The following ADAMTSL1 variants were observed in gnomAD, a reference collection of about 807,000 sequenced individuals.
ADAMTSL1 encodes ADAMTS like 1, also known as ADAMTS-like protein 1.
A neutral mutation model predicts 201.8 loss-of-function variants in ADAMTSL1; 126 were observed. The ratio of observed to expected loss-of-function variants is 0.62; its 90% CI spans 0.54 to 0.72. ADAMTSL1 has a LOEUF of 0.72. Ranked by LOEUF, ADAMTSL1 falls within the 30% of genes least tolerant of loss-of-function variation. The pLI is 0.00. For missense variants in ADAMTSL1, 2,679 were observed against 2,277.8 expected (o/e 1.18, Z -3.59); for synonymous variants, 1,121 against 903.4 (o/e 1.24, Z -4.32).
At chr9:18,905,635 A>G in intron 26 of ADAMTSL1, 147 bp from the exon 27 acceptor site, 1 of 622,658 alleles carries the variant, frequency 1.6e-6, no homozygotes, top group African/African-American at 1.8e-5. Context: ...AGTGTCTTTT[A>G]GTTAGCCCAA....
chr9:18,630,504 C>A (rs1002968112), intron 5 of ADAMTSL1, among the ~76,000 whole-genome samples: 1 of 152,118 alleles, frequency 6.6e-6, no homozygotes, highest in South Asian at 2.1e-4. Context: ...GTTTTTGTCT[C>A]CTTGGACTCT....
At chr9:18,741,042 G>A (rs541455907) in intron 15 of ADAMTSL1, among the ~76,000 whole-genome samples, 2 of 152,084 alleles carry the variant, frequency 1.3e-5, no homozygotes, top group East Asian at 3.9e-4. Flanking sequence ...ACTAGACTCT[G>A]TGCCCCAAGG....
chr9:18,061,392 C>T (rs1171003785), intron 1 of ADAMTSL1, among the ~76,000 whole-genome samples: 2 of 152,128 alleles, frequency 1.3e-5, no homozygotes, highest in Admixed American at 6.5e-5. Context: ...TACCACAAAC[C>T]ATAGTAGCCT....
chr9:18,186,088 T>C (rs1298167407), intron 2 of ADAMTSL1, among the ~76,000 whole-genome samples: 1 of 152,188 alleles, frequency 6.6e-6, no homozygotes, highest in Non-Finnish European at 1.5e-5. Context: ...AGAATTCAAG[T>C]ACCACGTATT....
chr9:18,695,584 G>C (rs1212026239), intron 13 of ADAMTSL1, among the ~76,000 whole-genome samples: 1 of 152,126 alleles, frequency 6.6e-6, no homozygotes, highest in Non-Finnish European at 1.5e-5. Flanking sequence ...TCAAGTTCAA[G>C]GTTCAAGGTT....
At position 18,160,932 on chromosome 9, in the gene ADAMTSL1, C is replaced by T. The variant is rs143379776; in HGVS notation, c.88-2930C>T. Among the ~76,000 whole-genome samples, 133 of 149,948 alleles carry T rather than the reference C, an allele frequency of 8.9e-4. 3 individuals are homozygous for T. The East Asian group carries it at 0.018, about 20-fold the overall frequency. On this transcript the variant is annotated intron_variant, in intron 1 of 29. Transcript: ENST00000680146. ...GGAATTCCTAAGCTCAAGCATTCCT[C>T]GTGCCTCAGCCTCTCAAAGTGCTGG...
At chr9:18,544,514 GT>G (rs895358889) in intron 3 of ADAMTSL1, among the ~76,000 whole-genome samples, 120 of 149,802 alleles carry the variant, frequency 8.0e-4, no homozygotes, top group African/African-American at 2.8e-3. Context: ...ATTGATCACA[GT>G]TTTTTTTTTC....
At chr9:18,590,496 T>A (rs899631087) in intron 4 of ADAMTSL1, among the ~76,000 whole-genome samples, 5 of 152,094 alleles carry the variant, frequency 3.3e-5, no homozygotes. Context: ...TTGTATTAGT[T>A]TTTAGTCTCA....
chr9:18,710,690 T>TTTTC (rs58475847), intron 14 of ADAMTSL1, among the ~76,000 whole-genome samples: 4 of 144,138 alleles, frequency 2.8e-5, no homozygotes, highest in Admixed American at 7.0e-5. Context: ...TTTTTTTTTT[T>TTTTC]ACAAAATTGA....
chr9:18,681,004 G>T (rs1393579862), intron 11 of ADAMTSL1: 3 of 152,986 alleles, frequency 2.0e-5, no homozygotes, highest in Non-Finnish European at 4.4e-5. Flanking sequence ...TTGGAACGAA[G>T]TAAGATAATT....
intron 23 of ADAMTSL1, among the ~76,000 whole-genome samples, chr9:18,839,567 T>A (rs1242938558): frequency 1.3e-5 from 2 of 152,160 alleles, no homozygotes; most frequent in Non-Finnish European, 2.9e-5. Flanking sequence ...GATGGCTGGG[T>A]CAAATGGTAT....
intron 1 of ADAMTSL1, among the ~76,000 whole-genome samples, chr9:17,925,296 G>A (rs1365544042): frequency 8.2e-6 from 1 of 121,696 alleles, no homozygotes; most frequent in African/African-American, 2.8e-5. Flanking sequence ...AGTCAGTGTG[G>A]CGATTCCTCA....
Position 17,908,033 on chromosome 9 carries a change from G to A in ADAMTSL1, c.87+1111G>A, listed in dbSNP as rs1004834719. On this transcript the variant is annotated intron_variant, in intron 1 of 29. Coordinates refer to the ADAMTSL1 transcript ENST00000680146. Reference sequence around the variant, plus strand: ...CTTAACGTTTTGCAACTTGTTTTCCGATCTCTATTTTAAAATTTTGATTGC... The same window carrying A: ...CTTAACGTTTTGCAACTTGTTTTCCAATCTCTATTTTAAAATTTTGATTGC... 2.0e-5 allele frequency among the ~76,000 whole-genome samples: 3 copies of A among 151,934 alleles called. No individual in the cohort carries two copies. The East Asian group carries it at 5.8e-4, about 29-fold the overall frequency.
At chr9:18,308,730 G>A (rs1233401042) in intron 2 of ADAMTSL1, among the ~76,000 whole-genome samples, 1 of 152,154 alleles carries the variant, frequency 6.6e-6, no homozygotes, top group Non-Finnish European at 1.5e-5. Flanking sequence ...GGGCCAGATG[G>A]ATTCACAGCC....
chr9:17,974,428 G>C (rs185761330), intron 1 of ADAMTSL1, among the ~76,000 whole-genome samples: 1 of 151,888 alleles, frequency 6.6e-6, no homozygotes, highest in Non-Finnish European at 1.5e-5. Context: ...TCTGCAATAC[G>C]GTGTAAATGT....
chr9:18,564,292 G>A (rs1821737260), intron 3 of ADAMTSL1, among the ~76,000 whole-genome samples: 1 of 152,164 alleles, frequency 6.6e-6, no homozygotes, highest in African/African-American at 2.4e-5. Flanking sequence ...GCACTTCCCT[G>A]GTGAGGCGAC....
Position 18,676,018 on chromosome 9 carries a change from G to T in ADAMTSL1, c.1136+111G>T, listed in dbSNP as rs1830112671. The T allele has an allele frequency of 3.9e-6, 4 of 1,032,936 alleles. No homozygotes were observed. In the Admixed American group the frequency reaches 5.8e-5, roughly 15 times the overall value. 64.0% of individuals were successfully genotyped at this position (1,032,936 alleles called of 1,614,324 possible). A position where few individuals can be genotyped will look rare whatever the true frequency, so the allele number is the denominator to read the frequency against. On this transcript the variant is annotated intron_variant, in intron 10 of 28. Coordinates refer to ENST00000380548, the MANE Select transcript of ADAMTSL1 (RefSeq NM_001040272.6). ...AGAGAGAGAGATTATATGTTTTTAA[G>T]ATGGTAGATGGTATATTTTGCAATC...
At chr9:18,087,181 C>T (rs941401148) in intron 1 of ADAMTSL1, among the ~76,000 whole-genome samples, 2 of 152,008 alleles carry the variant, frequency 1.3e-5, no homozygotes, top group Non-Finnish European at 2.9e-5. Flanking sequence ...CAGTCATAAC[C>T]TTTTCTTTTC....
intron 2 of ADAMTSL1, among the ~76,000 whole-genome samples, chr9:18,359,829 C>CCCG (rs1836431215): frequency 8.9e-6 from 1 of 112,280 alleles, no homozygotes; most frequent in Middle Eastern, 3.8e-3. Context: ...CCCCACCCGC[C>CCCG]CCCCCGCCCA....
Sources: allele counts gnomAD v4.1 joint callset (sites outside exome capture counted in the v4.1 genomes callset), GRCh38; gene constraint gnomAD v4.1.1; transcripts MANE v1.5; gene names NCBI Gene and HGNC (gene_info 2026-07-23, HGNC 2026-07-21).